Variants in CENPI observed in about 807,000 individuals in gnomAD.
CENPI encodes centromere protein I, also known as FSH primary response 1.
CENPI carries 4 observed loss-of-function variants against 60.4 expected under a neutral mutation model. That is an observed-to-expected ratio of 0.07 (90% confidence interval 0.03 to 0.15). CENPI has a LOEUF of 0.15. CENPI is among the 10% of genes least tolerant of loss of function. The pLI is 1.00. For synonymous variants in CENPI, 157 were observed against 189.4 expected (o/e 0.83, Z 1.40); for missense variants, 444 against 534.5 (o/e 0.83, Z 1.67).
intron 4 of CENPI, among the ~76,000 whole-genome samples, chrX:101,105,290 C>T (rs1042115586): frequency 3.6e-5 from 4 of 111,177 alleles, no homozygotes; most frequent in African/African-American, 1.3e-4. Flanking sequence ...TTTGGGAGGC[C>T]GAGGTGGGCG....
intron 8 of CENPI, among the ~76,000 whole-genome samples, chrX:101,124,278 C>T (rs953314573): frequency 9.0e-5 from 10 of 110,683 alleles, no homozygotes; most frequent in Admixed American, 2.9e-4. Flanking sequence ...TACTATAGAA[C>T]CAGGAAGAAC....
chrX:101,120,642 G>A (rs1276035067), intron 7 of CENPI, 96 bp from the exon 8 acceptor site: 10 of 826,348 alleles, frequency 1.2e-5, no homozygotes, highest in Non-Finnish European at 1.8e-5. Flanking sequence ...TATGTTACAA[G>A]AAGAAACTGT....
chrX:101,148,288 C>G, intron 20 of CENPI, 127 bp downstream of exon 20: 1 of 565,184 alleles, frequency 1.8e-6, no homozygotes, highest in Non-Finnish European at 2.8e-6. Context: ...TAAGTAACAA[C>G]TAAATTTTGG....
rs757176749 is a variant in CENPI, at chrX:101,159,221, G to A, written c.2095-2307G>A. The stretch of plus-strand genomic sequence containing the variant: ...CTGTCGCCCAGGCTGGAGTGCAGTG[G>A]TGCGATCTTGGCTCACTGCAAGCTC... On this transcript the variant is annotated intron_variant, in intron 20 of 21. Coordinates refer to ENST00000682095, the MANE Select transcript of CENPI (RefSeq NM_001386188.2). 1.9e-3 allele frequency among the ~76,000 whole-genome samples: 205 copies of A among 110,417 alleles called. 1 individual carries two copies. The highest frequency in any genetic ancestry group is 3.4e-3 in the Non-Finnish European group (180 of 52,811).
intron 20 of CENPI, among the ~76,000 whole-genome samples, chrX:101,160,025 T>C (rs1175914234): frequency 8.9e-6 from 1 of 112,351 alleles, no homozygotes; most frequent in Non-Finnish European, 1.9e-5. Context: ...CAGTGAGTAG[T>C]ATATTCATCA....
the CENPI span, among the ~76,000 whole-genome samples, chrX:101,180,731 C>G: frequency 9.0e-6 from 1 of 111,385 alleles, no homozygotes; most frequent in African/African-American, 3.3e-5. Flanking sequence ...AGTTTTATCT[C>G]TTATATTTAG....
chrX:101,125,463 C>A (rs1464585844), intron 8 of CENPI, among the ~76,000 whole-genome samples: 7 of 111,477 alleles, frequency 6.3e-5, no homozygotes, highest in Non-Finnish European at 1.3e-4. Context: ...GTGATGCGAT[C>A]TCAGCTCACT....
chrX:101,115,161 G>A (rs187459949), intron 6 of CENPI, among the ~76,000 whole-genome samples: 7 of 106,326 alleles, frequency 6.6e-5, no homozygotes, highest in African/African-American at 2.1e-4. Context: ...ATGGGGTTTC[G>A]CCATGTTGGC....
chrX:101,173,675 T>G, the CENPI span, among the ~76,000 whole-genome samples: 1 of 110,765 alleles, frequency 9.0e-6, no homozygotes, highest in Non-Finnish European at 1.9e-5. Context: ...AACACCTCTA[T>G]GCACACGAAC....
At chrX:101,149,799 G>T in intron 20 of CENPI, among the ~76,000 whole-genome samples, 1 of 110,736 alleles carries the variant, frequency 9.0e-6, no homozygotes, top group South Asian at 3.8e-4. Flanking sequence ...GAGCCACCGC[G>T]CCCGGCCAGT....
chrX:101,161,194 G>A (rs1395591922), intron 20 of CENPI, among the ~76,000 whole-genome samples: 1 of 112,141 alleles, frequency 8.9e-6, no homozygotes, highest in East Asian at 2.8e-4. Context: ...GTCTCATGTT[G>A]ACCAGGCTGA....
the CENPI span, among the ~76,000 whole-genome samples, chrX:101,173,531 G>C: frequency 9.2e-6 from 1 of 109,046 alleles, no homozygotes; most frequent in East Asian, 2.9e-4. Context: ...AATAGAATTA[G>C]GAAGCTTTCT....
At chrX:101,138,826 A>G (rs2089878726) in intron 15 of CENPI, among the ~76,000 whole-genome samples, 1 of 106,312 alleles carries the variant, frequency 9.4e-6, no homozygotes, top group Non-Finnish European at 1.9e-5. Context: ...GGGTTTTGCC[A>G]TGTTGCCCAG....
chrX:101,140,332 A>T (rs945238231), intron 15 of CENPI, among the ~76,000 whole-genome samples: 1 of 112,443 alleles, frequency 8.9e-6, no homozygotes, highest in Non-Finnish European at 1.9e-5. Flanking sequence ...AGCAACTTCA[A>T]AAGTTCTCTG....
chrX:101,122,182 C>T (rs957113603), intron 8 of CENPI, among the ~76,000 whole-genome samples: 2 of 111,799 alleles, frequency 1.8e-5, no homozygotes, highest in African/African-American at 6.5e-5. Context: ...CTGGTCCTTA[C>T]AGCTCTCTGC....
chrX:101,124,740 C>CT (rs1332330364), intron 8 of CENPI, among the ~76,000 whole-genome samples: 1 of 111,725 alleles, frequency 9.0e-6, no homozygotes, highest in Non-Finnish European at 1.9e-5. Context: ...TCGCCCAGCT[C>CT]TAATTCTTTT....
At chrX:101,123,068 A>G (rs1444681241) in intron 8 of CENPI, among the ~76,000 whole-genome samples, 1 of 112,244 alleles carries the variant, frequency 8.9e-6, no homozygotes, top group Non-Finnish European at 1.9e-5. Context: ...GTAAGTACCC[A>G]TTTATAAAGA....
intron 20 of CENPI, among the ~76,000 whole-genome samples, chrX:101,156,734 AGT>A (rs1381265381): frequency 1.1e-5 from 1 of 90,138 alleles, no homozygotes; most frequent in Non-Finnish European, 2.2e-5. Flanking sequence ...CCCACTTATG[AGT>A]GAGAATATAC....
chrX:101,128,338 TA>T (rs1158495594), intron 11 of CENPI, among the ~76,000 whole-genome samples: 2 of 102,951 alleles, frequency 1.9e-5, no homozygotes, highest in Non-Finnish European at 4.0e-5. Context: ...TGTCTCAAAA[TA>T]AAAAAAAAAT....
Sources: gnomAD v4.1 joint callset for allele counts (sites outside exome capture counted in the v4.1 genomes callset) on GRCh38, gnomAD v4.1.1 for gene constraint, MANE v1.5 for transcripts, NCBI Gene and HGNC (gene_info 2026-07-23, HGNC 2026-07-21) for gene names.